Variants in STARD3 observed in about 807,000 individuals in gnomAD.
STARD3 encodes StAR related lipid transfer domain containing 3.
STARD3 carries 39 observed loss-of-function variants against 62.0 expected under a neutral mutation model. That is an observed-to-expected ratio of 0.63 (90% CI 0.49 to 0.82). The LOEUF (loss-of-function observed/expected upper bound fraction) is 0.82, where lower values mean the gene tolerates loss of function less well. Ranked by LOEUF, STARD3 falls within the 40% of genes least tolerant of loss-of-function variation. The pLI is 0.00. For missense variants in STARD3, 543 were observed against 584.5 expected (o/e 0.93, Z 0.73); for synonymous variants, 229 against 242.4 (o/e 0.94, Z 0.51).
chr17:39,661,528 TC>T (rs1252942934), intron 13 of STARD3, among the ~76,000 whole-genome samples: 1 of 152,116 alleles, frequency 6.6e-6, no homozygotes, highest in Non-Finnish European at 1.5e-5. Context: ...GCTCAGGAGT[TC>T]CCCCAAAGAT....
chr17:39,661,193 G>T (rs965011848), intron 13 of STARD3, 108 bp downstream of exon 13: 1 of 955,320 alleles, frequency 1.0e-6, no homozygotes, highest in East Asian at 2.6e-5. Flanking sequence ...CTGAGGCTGC[G>T]TTCCTGTTCC....
intron 2 of STARD3, 134 bp downstream of exon 2, chr17:39,653,884 A>G (rs1417982805): frequency 1.2e-5 from 12 of 981,838 alleles, no homozygotes; most frequent in Middle Eastern, 2.6e-4. Flanking sequence ...GGGAGGAACA[A>G]CAGGGGTTCT....
chr17:39,658,550 G>A (rs778452922), intron 6 of STARD3, 28 bp downstream of exon 6: 1 of 1,605,326 alleles, frequency 6.2e-7, no homozygotes, highest in Admixed American at 1.7e-5. Flanking sequence ...GGGGGGTGCA[G>A]CGAGGGTTAC....
chr17:39,651,038 T>A (rs2057073257), intron 1 of STARD3, among the ~76,000 whole-genome samples: 2 of 152,148 alleles, frequency 1.3e-5, no homozygotes, highest in Non-Finnish European at 2.9e-5. Flanking sequence ...ATGTTGGGGA[T>A]CCCATTGCCA....
At chr17:39,654,667 C>T (rs886197190) in intron 2 of STARD3, among the ~76,000 whole-genome samples, 6 of 152,220 alleles carry the variant, frequency 3.9e-5, no homozygotes, top group African/African-American at 1.2e-4. Context: ...AGCTCCTCCT[C>T]GGCTTTGGCC....
intron 13 of STARD3, 111 bp from the exon 14 acceptor site, chr17:39,662,140 C>G: frequency 1.0e-6 from 1 of 955,010 alleles, no homozygotes; most frequent in South Asian, 1.5e-5. Context: ...CTTTCTGCTT[C>G]CAGCCCAGTC....
In STARD3 at chr17:39,659,084, GGAA is replaced by G. The variant is rs1271537038; in HGVS notation, c.684_686del (p.Lys229del). The G allele has an allele frequency of 1.9e-6, 3 of 1,614,080 alleles. No individual in the cohort carries two copies. Among genetic ancestry groups the G allele is most frequent in the African/African-American group, 2.7e-5 (2 of 74,928 alleles). On this transcript the variant is annotated inframe_deletion, in exon 8 of 15. Coordinates refer to ENST00000336308, the MANE Select transcript of STARD3 (RefSeq NM_006804.4). Reference sequence around the variant, plus strand: ...AATGAATCAGATGAAGAAGTTGCTGGGAAGAAAAGTTTCTCTGCTCAGGTATTT... The same window carrying G: ...AATGAATCAGATGAAGAAGTTGCTGGGAAAAGTTTCTCTGCTCAGGTATTT...
chr17:39,640,211 C>T (rs1279911132), intron 1 of STARD3, among the ~76,000 whole-genome samples: 4 of 152,176 alleles, frequency 2.6e-5, no homozygotes, highest in Non-Finnish European at 5.9e-5. Context: ...CAGCTTGTGC[C>T]TGTTCCACTG....
intron 13 of STARD3, 105 bp from the exon 14 acceptor site, chr17:39,662,146 C>A: frequency 9.9e-7 from 1 of 1,013,412 alleles, no homozygotes; most frequent in Non-Finnish European, 1.5e-6. Flanking sequence ...GCTTCCAGCC[C>A]AGTCCCAGCT....
chr17:39,654,146 GTTCATTCATTCGTTTGTTCGATCA>G (rs2057104609), intron 2 of STARD3, among the ~76,000 whole-genome samples: 1 of 148,808 alleles, frequency 6.7e-6, no homozygotes, highest in African/African-American at 2.4e-5. Flanking sequence ...GCTCCAGTTG[GTTCATTCATTCGTTTGTTCGATCA>G]TTCATTCATT....
Position 39,663,025 on chromosome 17 carries a change from C to A in STARD3, c.*117C>A. 1 of 1,031,050 alleles carries A rather than the reference C, an allele frequency of 9.7e-7. No homozygotes were observed. Among genetic ancestry groups the A allele is most frequent in the Non-Finnish European group, 1.4e-6 (1 of 722,486 alleles). The allele number at this position is 1,031,050 out of a possible 1,614,324, so 63.9% of individuals were successfully genotyped here. On this transcript the variant is annotated 3_prime_UTR_variant, in exon 15 of 15. Transcript: ENST00000336308. ...GGACCTGGCCCCAGGCTGTCACCCT[C>A]CACCGAGCCACGCAGTGCCTGGAGT... is the stretch of plus-strand genomic sequence containing the variant.
intron 13 of STARD3, among the ~76,000 whole-genome samples, chr17:39,661,620 G>A (rs554542107): frequency 2.8e-4 from 42 of 152,266 alleles, no homozygotes; most frequent in African/African-American, 1.0e-3. Context: ...GGTGCTGCGG[G>A]TGGCCCCCTC....
intron 1 of STARD3, among the ~76,000 whole-genome samples, chr17:39,644,306 C>G (rs534712295): frequency 6.6e-6 from 1 of 152,200 alleles, no homozygotes; most frequent in South Asian, 2.1e-4. Context: ...CCAGCCCTCC[C>G]TGGGAGGCTA....
chr17:39,661,313 C>T (rs1022224622), intron 13 of STARD3: 20 of 564,336 alleles, frequency 3.5e-5, no homozygotes, highest in Middle Eastern at 4.7e-4. Flanking sequence ...CAAGGCTGGA[C>T]GGGATGTGCG....
In STARD3 at chr17:39,653,240, C is replaced by A. The variant is rs910783746; in HGVS notation, c.-51-241C>A. On this transcript the variant is annotated intron_variant, in intron 1 of 14. Transcript: ENST00000336308. Reference sequence around the variant, plus strand: ...GACCCCAGAGCCCTCCAGGGGTGAACCCTGTGGCTGCTGGGCTTGGGGCAG... The same window carrying A: ...GACCCCAGAGCCCTCCAGGGGTGAAACCTGTGGCTGCTGGGCTTGGGGCAG... The A allele has an allele frequency of 5.4e-4, 275 of 510,080 alleles. 1 individual carries two copies. The highest frequency in any genetic ancestry group is 8.3e-4 in the Non-Finnish European group (233 of 280,108). 31.6% of individuals were successfully genotyped at this position (510,080 alleles called of 1,614,324 possible).
intron 2 of STARD3, 55 bp from the exon 3 acceptor site, chr17:39,656,953 G>A (rs984413987): frequency 8.2e-6 from 13 of 1,582,960 alleles, no homozygotes; most frequent in Middle Eastern, 1.7e-4. Flanking sequence ...GAGGTGAGGG[G>A]CAGCCCCAGG....
intron 1 of STARD3, among the ~76,000 whole-genome samples, chr17:39,647,177 G>A (rs1223042773): frequency 6.6e-6 from 1 of 151,068 alleles, no homozygotes; most frequent in East Asian, 1.9e-4. Flanking sequence ...CCAGCCTGGT[G>A]ACAGAGCGAG....
intron 13 of STARD3, among the ~76,000 whole-genome samples, chr17:39,662,005 G>C (rs1316661155): frequency 6.6e-6 from 1 of 152,132 alleles, no homozygotes; most frequent in South Asian, 2.1e-4. Context: ...GTCCCTGGGG[G>C]TGTGCAAGCA....
In STARD3 at chr17:39,663,729, G is replaced by T. The variant is rs1345111560; in HGVS notation, c.*821G>T. On this transcript the variant is annotated 3_prime_UTR_variant, in exon 15 of 15. Transcript: ENST00000336308. ...ATGCCCCGCCCCCTGCCAGGCTTCA[G>T]CGGGGCAAGTTTAAAGTCTCTAGTC... is the stretch of plus-strand genomic sequence containing the variant. Among the ~76,000 whole-genome samples, 1 of 150,464 alleles carries T rather than the reference G, an allele frequency of 6.6e-6. No homozygotes were observed. Among genetic ancestry groups the T allele is most frequent in the Admixed American group, 6.7e-5 (1 of 14,876 alleles).
Sources: gnomAD v4.1 joint callset for allele counts (sites outside exome capture counted in the v4.1 genomes callset) on GRCh38, gnomAD v4.1.1 for gene constraint, MANE v1.5 for transcripts, NCBI Gene and HGNC (gene_info 2026-07-23, HGNC 2026-07-21) for gene names.